MIPOL1: variants seen among roughly 807,000 people sequenced by gnomAD.
The protein encoded by MIPOL1 is mirror-image polydactyly 1.
In MIPOL1, 57 loss-of-function variants were observed where a neutral mutation model predicts 60.9. The observed-to-expected ratio is 0.94, with a 90% CI of 0.76 to 1.17. MIPOL1 has a LOEUF of 1.17. Among genes scored for constraint, MIPOL1 ranks in the 50% most tolerant of loss-of-function variants. The pLI is 0.00. For synonymous variants in MIPOL1, 179 were observed against 168.8 expected, an observed-to-expected ratio of 1.06 and a Z score of -0.47; for missense variants, 551 against 511.6, an observed-to-expected ratio of 1.08 and a Z score of -0.74.
intron 1 of MIPOL1, among the ~76,000 whole-genome samples, chr14:37,226,627 T>A (rs1358682620): frequency 1.3e-5 from 2 of 152,084 alleles, no homozygotes; most frequent in Non-Finnish European, 2.9e-5. Flanking sequence ...AGATGACTTT[T>A]GGGTGGGGAC....
chr14:37,316,023 T>A (rs2087837578), intron 9 of MIPOL1, among the ~76,000 whole-genome samples: 1 of 74,868 alleles, frequency 1.3e-5, no homozygotes, highest in Non-Finnish European at 2.5e-5. Context: ...TTTATTTATT[T>A]ATTTAATTTT....
intron 6 of MIPOL1, among the ~76,000 whole-genome samples, chr14:37,284,564 C>T (rs976746128): frequency 6.6e-6 from 1 of 152,058 alleles, no homozygotes; most frequent in African/African-American, 2.4e-5. Flanking sequence ...GGGATGGTCT[C>T]GATCTCCTGA....
intron 12 of MIPOL1, among the ~76,000 whole-genome samples, chr14:37,524,060 T>C (rs2095430783): frequency 6.6e-6 from 1 of 152,230 alleles, no homozygotes; most frequent in South Asian, 2.1e-4. Flanking sequence ...TCAGATCTTA[T>C]AGAACCATTT....
intron 11 of MIPOL1, among the ~76,000 whole-genome samples, chr14:37,453,110 T>C (rs193123531): frequency 4.6e-5 from 7 of 152,288 alleles, no homozygotes; most frequent in Admixed American, 4.6e-4. Flanking sequence ...TATTAAGTCA[T>C]ACATAGAGCT....
intron 9 of MIPOL1, among the ~76,000 whole-genome samples, chr14:37,356,349 G>A (rs1160786488): frequency 6.6e-6 from 1 of 151,860 alleles, no homozygotes; most frequent in Non-Finnish European, 1.5e-5. Flanking sequence ...AGAGGTTACT[G>A]CTGTCTTTTT....
intron 10 of MIPOL1, among the ~76,000 whole-genome samples, chr14:37,374,461 T>C (rs1004280928): frequency 2.0e-5 from 3 of 152,182 alleles, no homozygotes; most frequent in Non-Finnish European, 2.9e-5. Context: ...TCTTTGCCCA[T>C]GCCTGTGTCC....
At chr14:37,453,718 A>G (rs2094447733) in intron 11 of MIPOL1, among the ~76,000 whole-genome samples, 1 of 152,228 alleles carries the variant, frequency 6.6e-6, no homozygotes, top group African/African-American at 2.4e-5. Flanking sequence ...CCTTAAAAAA[A>G]TAAGTTAAAC....
intron 9 of MIPOL1, among the ~76,000 whole-genome samples, chr14:37,333,168 C>CTG (rs1237479779): frequency 2.0e-5 from 3 of 151,812 alleles, no homozygotes; most frequent in South Asian, 2.1e-4. Flanking sequence ...CGTGTGTAAT[C>CTG]TGTGTGTGTG....
chr14:37,342,698 A>G (rs2090660539), intron 9 of MIPOL1, among the ~76,000 whole-genome samples: 1 of 152,076 alleles, frequency 6.6e-6, no homozygotes, highest in African/African-American at 2.4e-5. Context: ...GCCTGGCCGC[A>G]ATTCACAATT....
intron 11 of MIPOL1, among the ~76,000 whole-genome samples, chr14:37,468,139 A>T (rs1414065883): frequency 6.6e-6 from 1 of 151,694 alleles, no homozygotes; most frequent in East Asian, 1.9e-4. Context: ...GTGACAATAT[A>T]GTATATAAAC....
At chr14:37,381,849 C>G (rs565661972) in intron 10 of MIPOL1, among the ~76,000 whole-genome samples, 26 of 152,018 alleles carry the variant, frequency 1.7e-4, no homozygotes, top group African/African-American at 6.0e-4. Flanking sequence ...CTCAGCCTCC[C>G]AAGGTACTGG....
At chr14:37,500,227 G>T in intron 12 of MIPOL1, 89 bp downstream of exon 12, 1 of 895,796 alleles carries the variant, frequency 1.1e-6, no homozygotes, top group South Asian at 1.8e-5. Context: ...TGTAGTTATT[G>T]ATCATGTTAA....
intron 9 of MIPOL1, among the ~76,000 whole-genome samples, chr14:37,322,178 A>G (rs2088649460): frequency 6.6e-6 from 1 of 151,972 alleles, no homozygotes; most frequent in African/African-American, 2.4e-5. Flanking sequence ...GTATTATTGC[A>G]GTTATTTTGT....
At chr14:37,329,210 C>G (rs995997476) in intron 9 of MIPOL1, among the ~76,000 whole-genome samples, 3 of 151,656 alleles carry the variant, frequency 2.0e-5, no homozygotes, top group African/African-American at 7.3e-5. Flanking sequence ...CTTACATATA[C>G]ACATCCATAA....
intron 9 of MIPOL1, among the ~76,000 whole-genome samples, chr14:37,322,759 A>G (rs7146351): frequency 0.99 from 150,424 of 152,224 alleles, 74,346 homozygotes; most frequent in Middle Eastern, 1. Context: ...GTATTTCTTG[A>G]CCGCATAAAT....
chr14:37,546,246 G>C (rs796238563), intron 12 of MIPOL1, among the ~76,000 whole-genome samples: 12 of 152,146 alleles, frequency 7.9e-5, no homozygotes, highest in African/African-American at 2.9e-4. Context: ...TGTCTATGTA[G>C]GTAATTTCTA....
Position 37,547,318 on chromosome 14 carries a change from A to G in MIPOL1, c.*347A>G. ...AAGTTGGTTAGGATCATATCTTCAC[A>G]TATGGCCCTTTCTGAATCAAAGTGC... On this transcript the variant is annotated 3_prime_UTR_variant, in exon 13 of 13. Transcript: ENST00000684589. The G allele has an allele frequency of 5.0e-6, 1 of 201,636 alleles. No homozygotes were observed. The highest frequency in any genetic ancestry group is 5.6e-5 in the Admixed American group (1 of 17,812). The allele number at this position is 201,636 out of a possible 1,614,324, so 12.5% of individuals were successfully genotyped here.
chr14:37,308,554 AC>A, intron 9 of MIPOL1, 35 bp downstream of exon 9: 1 of 1,394,652 alleles, frequency 7.2e-7, no homozygotes, highest in East Asian at 2.6e-5. Flanking sequence ...GCATATACTT[AC>A]CATTTTCCTC....
Position 37,499,895 on chromosome 14 carries a change from A to G in MIPOL1, c.1032-13A>G. ...CATTACTTATCTTTAAATTTTTTTT[A>G]ATATTTTCTCAGTTTACACAAATCT... On this transcript the variant is annotated splice_polypyrimidine_tract_variant and intron_variant, in intron 11 of 12. Transcript: ENST00000684589. The G allele has an allele frequency of 4.9e-6, 7 of 1,431,382 alleles. No individual in the cohort carries two copies. The South Asian group carries it at 5.2e-5, about 11-fold the overall frequency. The allele number at this position is 1,431,382 out of a possible 1,614,324, so 88.7% of individuals were successfully genotyped here. A position where few individuals can be genotyped will look rare whatever the true frequency, so the allele number is the denominator to read the frequency against.
Sources: gnomAD v4.1 joint callset for allele counts (sites outside exome capture counted in the v4.1 genomes callset) on GRCh38, gnomAD v4.1.1 for gene constraint, MANE v1.5 for transcripts, NCBI Gene and HGNC (gene_info 2026-07-23, HGNC 2026-07-21) for gene names.